Variants in MCPH1 observed in about 807,000 individuals in gnomAD.
MCPH1 encodes microcephalin.
Under a neutral mutation model 84.5 loss-of-function variants are expected in MCPH1, and 104 were observed. The observed-to-expected ratio is 1.23, with a 90% CI of 1.05 to 1.45. The LOEUF (loss-of-function observed/expected upper bound fraction) is 1.45. Ranked by LOEUF, MCPH1 falls within the 40% of genes most tolerant of loss-of-function variation. The pLI is 0.00. For missense variants in MCPH1, 1,498 were observed against 1,005.7 expected, an observed-to-expected ratio of 1.49 and a Z score of -6.62; for synonymous variants, 514 against 366.8, an observed-to-expected ratio of 1.40 and a Z score of -4.58.
At position 6,604,345 on chromosome 8, in the gene MCPH1, A is replaced by G. The variant is rs34465275; in HGVS notation, c.2215-17109A>G. Among the ~76,000 whole-genome samples the G allele has an allele frequency of 9.1e-4, 139 of 152,354 alleles. 1 individual carries two copies. The highest frequency in any genetic ancestry group is 1.5e-3 in the Non-Finnish European group (103 of 68,024). ...AAGAACTTTTGACCGAGAAGTAGAA[A>G]CTAGGTGATTCAGATCAGATCTCTG... On this transcript the variant is annotated intron_variant, in intron 12 of 13. Transcript: ENST00000344683.
chr8:6,600,218 C>A (rs915084074), intron 12 of MCPH1, among the ~76,000 whole-genome samples: 1 of 152,194 alleles, frequency 6.6e-6, no homozygotes, highest in Non-Finnish European at 1.5e-5. Flanking sequence ...GGCAAGAGTG[C>A]GGTATTTTTA....
At chr8:6,570,763 G>A (rs1186873358) in intron 12 of MCPH1, among the ~76,000 whole-genome samples, 1 of 147,230 alleles carries the variant, frequency 6.8e-6, no homozygotes, top group Non-Finnish European at 1.5e-5. Flanking sequence ...TGTTCATTGT[G>A]AAATCGTGTG....
chr8:6,625,040 A>G, intron 13 of MCPH1: 1 of 498,628 alleles, frequency 2.0e-6, no homozygotes, highest in Non-Finnish European at 2.6e-6. Flanking sequence ...ATGCCCAGGT[A>G]ATTTTTGTAT....
intron 12 of MCPH1, among the ~76,000 whole-genome samples, chr8:6,545,955 T>C (rs777372304): frequency 5.3e-5 from 8 of 152,118 alleles, no homozygotes; most frequent in Non-Finnish European, 1.2e-4. Flanking sequence ...TTGAATTGAG[T>C]TGGGGAAGTA....
At chr8:6,436,344 C>G (rs573414864) in intron 5 of MCPH1, among the ~76,000 whole-genome samples, 182 bp downstream of exon 5, 13 of 152,216 alleles carry the variant, frequency 8.5e-5, no homozygotes, top group Non-Finnish European at 1.8e-4. Context: ...CATAATAGAG[C>G]CACGCAGCTT....
chr8:6,504,070 G>C (rs1394620641), intron 12 of MCPH1, among the ~76,000 whole-genome samples: 1 of 152,176 alleles, frequency 6.6e-6, no homozygotes, highest in East Asian at 1.9e-4. Flanking sequence ...TGTAATCCCA[G>C]CACTTTGGGA....
intron 5 of MCPH1, among the ~76,000 whole-genome samples, chr8:6,437,000 A>G (rs1051602184): frequency 1.5e-4 from 23 of 152,146 alleles, no homozygotes; most frequent in African/African-American, 5.5e-4. Context: ...AAACATTAAG[A>G]TGCTTTGTAC....
At chr8:6,627,266 C>G (rs1008617805) in intron 13 of MCPH1, 1 of 985,302 alleles carries the variant, frequency 1.0e-6, no homozygotes, top group Non-Finnish European at 1.2e-6. Context: ...TCTCCATTGC[C>G]TCGATAAGGA....
At chr8:6,425,740 A>T (rs1171107936) in intron 3 of MCPH1, among the ~76,000 whole-genome samples, 1 of 152,174 alleles carries the variant, frequency 6.6e-6, no homozygotes, top group African/African-American at 2.4e-5. Context: ...TTGGCAAATG[A>T]TCTTCTCTGC....
chr8:6,502,061 C>T (rs980407241), intron 12 of MCPH1: 1 of 151,862 alleles, frequency 6.6e-6, no homozygotes, highest in Middle Eastern at 3.4e-3. Flanking sequence ...AGGCTTTTCT[C>T]AACCAGAAAT....
chr8:6,427,022 G>A (rs1801158403), intron 3 of MCPH1, among the ~76,000 whole-genome samples: 1 of 152,196 alleles, frequency 6.6e-6, no homozygotes, highest in Non-Finnish European at 1.5e-5. Context: ...GCATGACATA[G>A]CTACTGCACA....
intron 12 of MCPH1, among the ~76,000 whole-genome samples, chr8:6,560,141 G>C (rs1245944739): frequency 6.6e-6 from 1 of 152,186 alleles, no homozygotes; most frequent in Non-Finnish European, 1.5e-5. Flanking sequence ...TTTCCTAAAA[G>C]TGTACGGATT....
In MCPH1 at chr8:6,480,862, C is replaced by A; in HGVS notation, c.2122C>A (p.Leu708Ile). 1 of 1,614,114 alleles carries A rather than the reference C, an allele frequency of 6.2e-7. No homozygotes were observed. The highest frequency in any genetic ancestry group is 8.5e-7 in the Non-Finnish European group (1 of 1,180,042). Residue 708 changes from leucine (L) to isoleucine (I), a missense_variant, in exon 11 of 14, where the codon CTC (leucine) becomes ATC (isoleucine). Physicochemically the swap from Leu to Ile is conservative, Grantham distance 5. Coordinates refer to ENST00000344683, the MANE Select transcript of MCPH1 (RefSeq NM_024596.5). ...GGGAATTGCGCGTGGCTGCTGGGTT[C>A]TCTCTTATGATTGGGTAAGCCCTGT... ...LLGIARGCWV[L>I]SYDWVLWSLE...
Position 6,444,876 on chromosome 8 carries a change from T to A in MCPH1, c.1154T>A (p.Leu385Gln). 1.2e-6 allele frequency: 2 copies of A among 1,614,152 alleles called. No individual in the cohort carries two copies. Among genetic ancestry groups the A allele is most frequent in the Non-Finnish European group, 1.7e-6 (2 of 1,180,030 alleles). Residue 385 changes from leucine (L) to glutamine (Q), a missense_variant, in exon 8 of 14, where the codon CTG becomes CAG. Transcript: ENST00000344683. ...ACCAGGAGATCTATCATGCCGAGGCTGCAGCTGTGCAGGTCGGAAGACAGG... is the reference window on the plus strand; with the variant it reads ...ACCAGGAGATCTATCATGCCGAGGCAGCAGCTGTGCAGGTCGGAAGACAGG... The part of the protein sequence containing the change: ...RSTRRSIMPR[L>Q]QLCRSEDRLQ...
At chr8:6,473,759 G>A (rs1808073887) in intron 9 of MCPH1, 1 of 707,114 alleles carries the variant, frequency 1.4e-6, no homozygotes, top group Non-Finnish European at 2.2e-6. Flanking sequence ...GTTTAATAAA[G>A]CGTTCCTGAT....
chr8:6,646,062 A>AT lies in MCPH1; in HGVS notation c.*3020dup, dbSNP rs887625612. 3.3e-5 allele frequency: 5 copies of AT among 152,174 alleles called. No individual in the cohort carries two copies. Among genetic ancestry groups the AT allele is most frequent in the Admixed American group, 2.6e-4 (4 of 15,274 alleles). The allele number at this position is 152,174 out of a possible 1,614,324, so 9.4% of individuals were successfully genotyped here. Reference sequence around the variant, plus strand: ...CAAAGAACCTCTAGTAGACAAAACAATTTTTTTAAGAGCAAAGTTGGAGGA... The same window carrying AT: ...CAAAGAACCTCTAGTAGACAAAACAATTTTTTTTAAGAGCAAAGTTGGAGGA... On this transcript the variant is annotated 3_prime_UTR_variant, in exon 14 of 14. Coordinates refer to ENST00000344683, the MANE Select transcript of MCPH1 (RefSeq NM_024596.5).
chr8:6,588,286 C>T (rs190213998), intron 12 of MCPH1, among the ~76,000 whole-genome samples: 9 of 152,236 alleles, frequency 5.9e-5, no homozygotes, highest in Middle Eastern at 3.4e-3. Context: ...CAGCAGTGAT[C>T]CCTTGATAAA....
chr8:6,609,130 T>A (rs552118191), intron 12 of MCPH1, among the ~76,000 whole-genome samples: 191 of 152,138 alleles, frequency 1.3e-3, no homozygotes, highest in Middle Eastern at 3.4e-3. Context: ...GACCATTTTT[T>A]AAGGATGAAA....
chr8:6,426,771 T>G (rs1563190844), intron 3 of MCPH1, among the ~76,000 whole-genome samples: 1 of 152,216 alleles, frequency 6.6e-6, no homozygotes, highest in Non-Finnish European at 1.5e-5. Context: ...TAGTTGAAAT[T>G]TATCCATCTT....
Sources: allele counts gnomAD v4.1 joint callset (sites outside exome capture counted in the v4.1 genomes callset), GRCh38; gene constraint gnomAD v4.1.1; transcripts MANE v1.5; gene names NCBI Gene and HGNC (gene_info 2026-07-23, HGNC 2026-07-21).